Variants in TPMT observed in about 807,000 individuals in gnomAD.
TPMT encodes thiopurine S-methyltransferase.
Under a neutral mutation model 34.2 loss-of-function variants are expected in TPMT, and 18 were observed. The observed-to-expected ratio is 0.53, with a 90% confidence interval of 0.36 to 0.78. TPMT has a LOEUF of 0.78. Ranked by LOEUF, TPMT falls within the 30% of genes least tolerant of loss-of-function variation. TPMT has a pLI of 0.00. For missense variants in TPMT, 265 were observed against 288.1 expected (o/e 0.92, Z 0.58); for synonymous variants, 69 against 92.4 (o/e 0.75, Z 1.45).
At position 18,139,035 on chromosome 6, in the gene TPMT, G is replaced by A. The variant is rs775254609; in HGVS notation, c.422C>T (p.Thr141Ile). The A allele has an allele frequency of 6.2e-7, 1 of 1,613,598 alleles. No individual in the cohort carries two copies. Among genetic ancestry groups the A allele is most frequent in the African/African-American group, 1.3e-5 (1 of 75,034 alleles). Reference sequence around the variant, plus strand: ...AATCATGTCAAATTTGCCAATATTTGTCCTACCAGAAAGAGAAAAAACATT... The same window carrying A: ...AATCATGTCAAATTTGCCAATATTTATCCTACCAGAAAGAGAAAAAACATT... ...YCCSIFDLPR[T>I]NIGKFDMIWD... The change falls in exon 6 of 9, where the codon ACA (threonine) becomes ATA (isoleucine). Residue 141 changes from threonine (T) to isoleucine (I), a missense_variant and splice_region_variant. By Grantham distance (89) the Thr-to-Ile change is moderately conservative (BLOSUM62 -1). Coordinates refer to ENST00000309983, the MANE Select transcript of TPMT (RefSeq NM_000367.5). The surrounding 1 kb of genome is among the most constrained non-coding windows in gnomAD (Gnocchi z 4.2).
chr6:18,139,786 A>G lies in TPMT; in HGVS notation c.367-69T>C. 1 of 1,064,634 alleles carries G rather than the reference A, an allele frequency of 9.4e-7. No homozygotes were observed. Among genetic ancestry groups the G allele is most frequent in the Non-Finnish European group, 1.4e-6 (1 of 712,756 alleles). 65.9% of individuals were successfully genotyped at this position (1,064,634 alleles called of 1,614,324 possible). ...TAAGTACTTGAATAGTCAAGGAAAGAGGGCCAAGCAAAGCAAAAGTTCTAG... is the reference window on the plus strand; with the variant it reads ...TAAGTACTTGAATAGTCAAGGAAAGGGGGCCAAGCAAAGCAAAAGTTCTAG... On this transcript the variant is annotated intron_variant, in intron 4 of 8. Coordinates refer to ENST00000309983, the MANE Select transcript of TPMT (RefSeq NM_000367.5). The surrounding 1 kb of genome is among the most constrained non-coding windows in gnomAD (Gnocchi z 4.2).
At chr6:18,144,606 C>T (rs1010877506) in intron 3 of TPMT, among the ~76,000 whole-genome samples, 13 of 144,186 alleles carry the variant, frequency 9.0e-5, no homozygotes, top group Middle Eastern at 4.1e-3. Flanking sequence ...CTCGAGCTCC[C>T]GAACTCAGGT....
Position 18,148,031 on chromosome 6 carries a change from A to G in TPMT, c.141-116T>C. ...TAATAAGCAGTTACTATTAATTATT[A>G]TAATCTCCAGCTTACATATGAAGAA... On this transcript the variant is annotated intron_variant, in intron 2 of 8. Coordinates refer to ENST00000309983, the MANE Select transcript of TPMT (RefSeq NM_000367.5). This position sits in a 1 kb window ranked among gnomAD's most constrained non-coding sequence, Gnocchi z 4.1. 1 of 795,254 alleles carries G rather than the reference A, an allele frequency of 1.3e-6. No homozygotes were observed. The highest frequency in any genetic ancestry group is 2.1e-6 in the Non-Finnish European group (1 of 474,280). The allele number at this position is 795,254 out of a possible 1,614,324, so 49.3% of individuals were successfully genotyped here.
chr6:18,151,073 C>T (rs1222767581), intron 1 of TPMT, among the ~76,000 whole-genome samples: 1 of 152,112 alleles, frequency 6.6e-6, no homozygotes, highest in African/African-American at 2.4e-5. Flanking sequence ...CTAGAATCTT[C>T]TGACCCGGTA....
Position 18,148,216 on chromosome 6 carries a change from C to A in TPMT, c.141-301G>T, listed in dbSNP as rs1280638784. 6.6e-6 allele frequency among the ~76,000 whole-genome samples: 1 copy of A among 151,992 alleles called. No homozygotes were observed. Among genetic ancestry groups the A allele is most frequent in the Non-Finnish European group, 1.5e-5 (1 of 67,996 alleles). On this transcript the variant is annotated intron_variant, in intron 2 of 8. Coordinates refer to ENST00000309983, the MANE Select transcript of TPMT (RefSeq NM_000367.5). This position sits in a 1 kb window ranked among gnomAD's most constrained non-coding sequence, Gnocchi z 4.1. ...TGTACTATTTTGGGGGTGATGGAGCCTCTGGAGCCATGGATTTTTCAACAT... is the reference window on the plus strand; with the variant it reads ...TGTACTATTTTGGGGGTGATGGAGCATCTGGAGCCATGGATTTTTCAACAT...
rs1784317279 is a variant in TPMT, at chr6:18,149,679, A to T, written c.-44-508T>A. On this transcript the variant is annotated intron_variant, in intron 1 of 8. Coordinates refer to ENST00000309983, the MANE Select transcript of TPMT (RefSeq NM_000367.5). This position sits in a 1 kb window ranked among gnomAD's most constrained non-coding sequence, Gnocchi z 5.0. ...ATGGTTCTCATTTTGTTGTCCAGAC[A>T]ACAAAGAACGCCTGGGCTCAAGGGA... Among the ~76,000 whole-genome samples, 1 of 152,090 alleles carries T rather than the reference A, an allele frequency of 6.6e-6. No homozygotes were observed. The highest frequency in any genetic ancestry group is 1.5e-5 in the Non-Finnish European group (1 of 68,008).
rs1038543809 is a variant in TPMT, at chr6:18,140,289, A to G, written c.367-572T>C. 6.6e-6 allele frequency among the ~76,000 whole-genome samples: 1 copy of G among 152,324 alleles called. No homozygotes were observed. The highest frequency in any genetic ancestry group is 1.5e-5 in the Non-Finnish European group (1 of 68,030). ...GCAGAGAAGCGTGGGCACAGAGAAC[A>G]TTACAATCCAGAATGGCCTGCTCTG... On this transcript the variant is annotated intron_variant, in intron 4 of 8. Coordinates refer to ENST00000309983, the MANE Select transcript of TPMT (RefSeq NM_000367.5). This position sits in a 1 kb window ranked among gnomAD's most constrained non-coding sequence, Gnocchi z 4.7.
intron 1 of TPMT, among the ~76,000 whole-genome samples, chr6:18,152,212 A>G (rs77759890): frequency 6.6e-6 from 1 of 152,156 alleles, no homozygotes; most frequent in Non-Finnish European, 1.5e-5. Flanking sequence ...GGGCTGCTCA[A>G]TGGCTTTTCT....
Position 18,153,189 on chromosome 6 carries a change from T to C in TPMT, c.-45+1844A>G, listed in dbSNP as rs1011238732. Among the ~76,000 whole-genome samples the C allele has an allele frequency of 1.3e-5, 2 of 152,230 alleles. No individual in the cohort carries two copies. Among genetic ancestry groups the C allele is most frequent in the African/African-American group, 4.8e-5 (2 of 41,468 alleles). On this transcript the variant is annotated intron_variant, in intron 1 of 8. Transcript: ENST00000309983. The surrounding 1 kb of genome is among the most constrained non-coding windows in gnomAD (Gnocchi z 4.2). Reference sequence around the variant, plus strand: ...AAGTGTCAGTTTCTGGCTTCTGGCCTGCGGCTACACTTCTCAGCCAGTCAG... The same window carrying C: ...AAGTGTCAGTTTCTGGCTTCTGGCCCGCGGCTACACTTCTCAGCCAGTCAG...
In TPMT at chr6:18,143,538, A is replaced by G. The variant is rs2518463; in HGVS notation, c.366+58T>C. 862,161 of 1,604,884 alleles carry G rather than the reference A, an allele frequency of 0.54. 233,651 individuals carry two copies. Among genetic ancestry groups the G allele is most frequent in the African/African-American group, 0.7 (52,038 of 74,726 alleles). ...TGAATGGTATCCTCATAATACTCAC[A>G]CTGAGAAAAACTTTTGTGGGGATAT... On this transcript the variant is annotated intron_variant, in intron 4 of 8. Transcript: ENST00000309983. The surrounding 1 kb of genome is among the most constrained non-coding windows in gnomAD (Gnocchi z 6.1).
rs1278220795 is a variant in TPMT, at chr6:18,129,341, G to A, written c.*1327C>T. ...TACATGCAGGCCAAGGGGAACTAGAGAGGCTGACAAGACATATCTCTGGGG... is the reference window on the plus strand; with the variant it reads ...TACATGCAGGCCAAGGGGAACTAGAAAGGCTGACAAGACATATCTCTGGGG... On this transcript the variant is annotated 3_prime_UTR_variant, in exon 9 of 9. Transcript: ENST00000309983. 3 of 152,214 alleles carry A rather than the reference G, an allele frequency of 2.0e-5. No individual in the cohort carries two copies. Among genetic ancestry groups the A allele is most frequent in the African/African-American group, 7.2e-5 (3 of 41,448 alleles). 9.4% of individuals were successfully genotyped at this position (152,214 alleles called of 1,614,324 possible).
rs1783896455 is a variant in TPMT, at chr6:18,129,645, T to C, written c.*1023A>G. 1 of 152,206 alleles carries C rather than the reference T, an allele frequency of 6.6e-6. No homozygotes were observed. The highest frequency in any genetic ancestry group is 6.5e-5 in the Admixed American group (1 of 15,280). The allele number at this position is 152,206 out of a possible 1,614,324, so 9.4% of individuals were successfully genotyped here. Reference sequence around the variant, plus strand: ...AGCCATGAATCCAGCTCTAAGTACATTATATTTTATAAGACCTGATGATTT... The same window carrying C: ...AGCCATGAATCCAGCTCTAAGTACACTATATTTTATAAGACCTGATGATTT... On this transcript the variant is annotated 3_prime_UTR_variant, in exon 9 of 9. Transcript: ENST00000309983.
chr6:18,147,816 C>T lies in TPMT; in HGVS notation c.233+7G>A, dbSNP rs1193601801. ...AGATAATTCTGTTAATGTTTATCTG[C>T]TCATACCATTTCATCTCAACCGCTT... On this transcript the variant is annotated splice_region_variant and intron_variant, in intron 3 of 8. Coordinates refer to ENST00000309983, the MANE Select transcript of TPMT (RefSeq NM_000367.5). 6.2e-7 allele frequency: 1 copy of T among 1,611,906 alleles called. No individual in the cohort carries two copies.
Position 18,130,848 on chromosome 6 carries a change from C to T in TPMT, c.626-68G>A. On this transcript the variant is annotated intron_variant, in intron 8 of 8. Transcript: ENST00000309983. The surrounding 1 kb of genome is among the most constrained non-coding windows in gnomAD (Gnocchi z 4.2). ...GACATCAGGGATTCTTTTAAAAATACTCAAAATTGGCTGGGTGCGGTGGCT... is the reference window on the plus strand; with the variant it reads ...GACATCAGGGATTCTTTTAAAAATATTCAAAATTGGCTGGGTGCGGTGGCT... The T allele has an allele frequency of 7.1e-7, 1 of 1,404,452 alleles. No homozygotes were observed. The highest frequency in any genetic ancestry group is 1.2e-5 in the South Asian group (1 of 85,990). The allele number at this position is 1,404,452 out of a possible 1,614,324, so 87.0% of individuals were successfully genotyped here.
In TPMT at chr6:18,132,309, C is replaced by T; in HGVS notation, c.581-132G>A. On this transcript the variant is annotated intron_variant, in intron 7 of 8. Transcript: ENST00000309983. The surrounding 1 kb of genome is among the most constrained non-coding windows in gnomAD (Gnocchi z 4.8). ...TCATTCTTCTTTTGCAAATCTCATACTAAAGAAATAAATTGACTTACTGAG... is the reference window on the plus strand; with the variant it reads ...TCATTCTTCTTTTGCAAATCTCATATTAAAGAAATAAATTGACTTACTGAG... The T allele has an allele frequency of 1.2e-6, 1 of 858,002 alleles. No homozygotes were observed. Among genetic ancestry groups the T allele is most frequent in the Admixed American group, 2.1e-5 (1 of 48,082 alleles). 53.1% of individuals were successfully genotyped at this position (858,002 alleles called of 1,614,324 possible).
rs1288490267 is a variant in TPMT at position 18,149,824 on chromosome 6, A to C, written c.-44-653T>G. Among the ~76,000 whole-genome samples the C allele has an allele frequency of 2.0e-5, 3 of 152,186 alleles. No homozygotes were observed. Among genetic ancestry groups the C allele is most frequent in the Admixed American group, 6.6e-5 (1 of 15,262 alleles). ...TTACTTTCAGTGCGTCTGGTGGTAGAATAATACCCCTTAATACACATTACA... is the reference window on the plus strand; with the variant it reads ...TTACTTTCAGTGCGTCTGGTGGTAGCATAATACCCCTTAATACACATTACA... On this transcript the variant is annotated intron_variant, in intron 1 of 8. Transcript: ENST00000309983. The surrounding 1 kb of genome is among the most constrained non-coding windows in gnomAD (Gnocchi z 5.0).
At position 18,130,701 on chromosome 6, in the gene TPMT, A is replaced by G. The variant is rs1164338543; in HGVS notation, c.705T>C (p.Leu235=). Residue 235 remains leucine, a synonymous_variant, in exon 9 of 9, where the codon CTT becomes CTC. Coordinates refer to ENST00000309983, the MANE Select transcript of TPMT (RefSeq NM_000367.5). The surrounding 1 kb of genome is among the most constrained non-coding windows in gnomAD (Gnocchi z 4.2). Reference sequence around the variant, plus strand: ...CTGTAAGTAGATATAACTTTTCAAAAAGACAGTCAATTCCCCAACTTTTAT... The same window carrying G: ...CTGTAAGTAGATATAACTTTTCAAAGAGACAGTCAATTCCCCAACTTTTAT... ...ERHKSWGIDC[L]FEKLYLLTEK is the part of the protein sequence containing the mutation. 6.2e-7 allele frequency: 1 copy of G among 1,612,652 alleles called. No homozygotes were observed. Among genetic ancestry groups the G allele is most frequent in the African/African-American group, 1.3e-5 (1 of 74,906 alleles).
chr6:18,130,437 C>T lies in TPMT; in HGVS notation c.*231G>A. ...CAAGACACATAGGCATAATCTTTCA[C>T]ATCATAATCTCCTCTCCAAAGGAGC... is the stretch of plus-strand genomic sequence containing the variant. On this transcript the variant is annotated 3_prime_UTR_variant, in exon 9 of 9. Coordinates refer to ENST00000309983, the MANE Select transcript of TPMT (RefSeq NM_000367.5). The surrounding 1 kb of genome is among the most constrained non-coding windows in gnomAD (Gnocchi z 4.2). 1 of 475,802 alleles carries T rather than the reference C, an allele frequency of 2.1e-6. No individual in the cohort carries two copies. Among genetic ancestry groups the T allele is most frequent in the Non-Finnish European group, 3.8e-6 (1 of 262,930 alleles). 29.5% of individuals were successfully genotyped at this position (475,802 alleles called of 1,614,324 possible). A position where few individuals can be genotyped will look rare whatever the true frequency, so the allele number is the denominator to read the frequency against.
At chr6:18,133,913 T>G in intron 6 of TPMT, 24 bp from the exon 7 acceptor site, 1 of 1,599,988 alleles carries the variant, frequency 6.3e-7, no homozygotes, top group Non-Finnish European at 8.6e-7. Flanking sequence ...AAGAAGGTAT[T>G]TGTTACATTT....
Sources: allele counts gnomAD v4.1 joint callset (sites outside exome capture counted in the v4.1 genomes callset), GRCh38; gene constraint gnomAD v4.1.1; non-coding constraint Gnocchi (gnomAD v3.1); transcripts MANE v1.5; gene names NCBI Gene and HGNC (gene_info 2026-07-23, HGNC 2026-07-21).